EIF4G3: variants seen among roughly 807,000 people sequenced by gnomAD.
The protein encoded by EIF4G3 is eukaryotic translation initiation factor 4 gamma 3.
Under a neutral mutation model 186.4 loss-of-function variants are expected in EIF4G3, and 34 were observed. That is an observed-to-expected ratio of 0.18 (90% CI 0.14 to 0.24). The LOEUF (loss-of-function observed/expected upper bound fraction) is 0.24. EIF4G3 is among the 10% of genes least tolerant of loss of function. EIF4G3 has a pLI of 1.00. For synonymous variants in EIF4G3, 673 were observed against 679.5 expected, an observed-to-expected ratio of 0.99 and a Z score of 0.15; for missense variants, 1,536 against 1,948.5, an observed-to-expected ratio of 0.79 and a Z score of 3.99.
At chr1:21,007,535 A>AAAAAAAAAAAT (rs2085551566) in intron 4 of EIF4G3, among the ~76,000 whole-genome samples, 1 of 142,192 alleles carries the variant, frequency 7.0e-6, no homozygotes, top group Non-Finnish European at 1.6e-5. Context: ...AAAAAAAAAA[A>AAAAAAAAAAAT]AACACACTCA....
intron 12 of EIF4G3, among the ~76,000 whole-genome samples, chr1:20,959,957 A>G (rs2096534690): frequency 6.6e-6 from 1 of 152,170 alleles, no homozygotes; most frequent in Non-Finnish European, 1.5e-5. Context: ...GTGGGAATGT[A>G]TAACCTCTAT....
chr1:20,933,018 C>G (rs2095386126), intron 14 of EIF4G3, among the ~76,000 whole-genome samples: 2 of 152,108 alleles, frequency 1.3e-5, no homozygotes, highest in Non-Finnish European at 2.9e-5. Flanking sequence ...CTCCAGGCTT[C>G]TAGAACACTG....
chr1:21,088,796 C>T lies in EIF4G3; in HGVS notation c.-196+342G>A, dbSNP rs925026947. 5.3e-5 allele frequency among the ~76,000 whole-genome samples: 8 copies of T among 152,016 alleles called. No homozygotes were observed. The East Asian group carries it at 7.8e-4, about 15-fold the overall frequency. ...GGGAGAATTGCTTGAACCCAGGAGG[C>T]GGAGGTTGCAATGAGCCAAGATCAC... is the stretch of plus-strand genomic sequence containing the variant. On this transcript the variant is annotated intron_variant, in intron 3 of 36. Transcript: ENST00000602326.
At chr1:21,166,126 T>TTTTTTTTTTTTGAGACGGAG (rs1553324701) in intron 2 of EIF4G3, among the ~76,000 whole-genome samples, 1 of 149,510 alleles carries the variant, frequency 6.7e-6, no homozygotes, top group Non-Finnish European at 1.5e-5. Context: ...TTTTTTCCTT[T>TTTTTTTTTTTTGAGACGGAG]TAAAAATTCA....
At chr1:20,932,642 C>T (rs192635223) in intron 14 of EIF4G3, among the ~76,000 whole-genome samples, 1 of 152,104 alleles carries the variant, frequency 6.6e-6, no homozygotes, top group East Asian at 1.9e-4. Context: ...GATGGAAGAA[C>T]TGCCGGTTGG....
intron 7 of EIF4G3, among the ~76,000 whole-genome samples, chr1:20,991,650 T>C (rs554072620): frequency 3.3e-5 from 5 of 152,108 alleles, no homozygotes; most frequent in East Asian, 1.9e-4. Context: ...ATATAGCTAG[T>C]AGAGCTACAG....
At chr1:20,865,095 T>A in intron 21 of EIF4G3, 21 bp downstream of exon 21, 1 of 1,613,832 alleles carries the variant, frequency 6.2e-7, no homozygotes, top group Non-Finnish European at 8.5e-7. Flanking sequence ...ACAAGCACTG[T>A]CTTTCTATGA....
At position 21,176,262 on chromosome 1, in the gene EIF4G3, G is replaced by A. The variant is rs1476430290; in HGVS notation, c.-359C>T. 1 of 371,054 alleles carries A rather than the reference G, an allele frequency of 2.7e-6. No individual in the cohort carries two copies. The allele number at this position is 371,054 out of a possible 1,614,324, so 23.0% of individuals were successfully genotyped here. ...CGCCGCCGCCGCCGCCGCCGCCGCC[G>A]CCGCTGCTGCCGCCGCCGGGTGAGG... is the stretch of plus-strand genomic sequence containing the variant. On this transcript the variant is annotated 5_prime_UTR_variant, in exon 2 of 37. Transcript: ENST00000602326.
rs5772928 is a variant in EIF4G3, at chr1:20,998,212, TACACACACAC to T, written c.145-589_145-580del. On this transcript the variant is annotated intron_variant, in intron 6 of 36. Coordinates refer to ENST00000602326, the MANE Select transcript of EIF4G3 (RefSeq NM_001391906.1). ...GTTAAAGAAAAATCTTTTATGACTT[TACACACACAC>T]ACACACACACACACACACACACACA... Among the ~76,000 whole-genome samples, 322 of 148,582 alleles carry T rather than the reference TACACACACAC, an allele frequency of 2.2e-3. 4 individuals are homozygous for T. The East Asian group carries it at 0.038, about 17-fold the overall frequency.
intron 2 of EIF4G3, among the ~76,000 whole-genome samples, chr1:21,118,931 T>TAA (rs35040627): frequency 1.2e-3 from 107 of 86,130 alleles, no homozygotes; most frequent in African/African-American, 3.8e-3. Context: ...CAAGCTCTAT[T>TAA]AAAAAAAAAA....
At chr1:20,914,639 C>T (rs2093659114) in intron 14 of EIF4G3, among the ~76,000 whole-genome samples, 1 of 152,138 alleles carries the variant, frequency 6.6e-6, no homozygotes, top group Non-Finnish European at 1.5e-5. Flanking sequence ...GTGATTACAA[C>T]AGCAATAGAA....
At chr1:20,869,306 ATTTTTTTTTTTT>A (rs954573350) in intron 20 of EIF4G3, among the ~76,000 whole-genome samples, 3 of 97,398 alleles carry the variant, frequency 3.1e-5, no homozygotes, top group Admixed American at 1.1e-4. Flanking sequence ...TTACTTTAAA[ATTTTTTTTTTTT>A]TTTTTTTTTT....
At chr1:20,873,894 T>A (rs1420161762) in intron 20 of EIF4G3, among the ~76,000 whole-genome samples, 2 of 152,100 alleles carry the variant, frequency 1.3e-5, no homozygotes, top group African/African-American at 4.8e-5. Context: ...TCTGTGTCCA[T>A]GTGTTCTCAA....
intron 3 of EIF4G3, among the ~76,000 whole-genome samples, chr1:21,085,786 T>C (rs1028364866): frequency 1.3e-5 from 2 of 152,068 alleles, no homozygotes; most frequent in African/African-American, 2.4e-5. Flanking sequence ...CTCTGCCTCC[T>C]GGATTTAAGC....
At chr1:21,042,358 TTAAA>T (rs1292824828) in intron 4 of EIF4G3, among the ~76,000 whole-genome samples, 1 of 152,250 alleles carries the variant, frequency 6.6e-6, no homozygotes, top group Non-Finnish European at 1.5e-5. Context: ...TCTATTTGCT[TTAAA>T]TATAACTAAG....
intron 4 of EIF4G3, among the ~76,000 whole-genome samples, chr1:21,024,418 G>A (rs2091680045): frequency 6.6e-6 from 1 of 152,200 alleles, no homozygotes; most frequent in Admixed American, 6.5e-5. Flanking sequence ...GAATGGGCCA[G>A]GATGACAATG....
chr1:21,133,467 C>T (rs568717087), intron 2 of EIF4G3, among the ~76,000 whole-genome samples: 94 of 152,250 alleles, frequency 6.2e-4, no homozygotes, highest in African/African-American at 2.0e-3. Flanking sequence ...CCTCGTGATC[C>T]GCCCACCCCG....
At chr1:20,853,811 C>T in intron 26 of EIF4G3, 134 bp from the exon 27 acceptor site, 3 of 639,592 alleles carry the variant, frequency 4.7e-6, no homozygotes, top group Non-Finnish European at 8.4e-6. Flanking sequence ...TCTCCTGGTC[C>T]CTCTACCATA....
rs562972638 is a variant in EIF4G3, at chr1:20,908,604, G to C, written c.1664-3633C>G. Among the ~76,000 whole-genome samples the C allele has an allele frequency of 6.6e-5, 10 of 152,194 alleles. No individual in the cohort carries two copies. In the South Asian group the frequency reaches 2.1e-3, roughly 32 times the overall value. The stretch of plus-strand genomic sequence containing the variant: ...AGTAACATTTTTCTGGTATCTGTAG[G>C]ATGTAATACAAGTCATCCCCATAAA... On this transcript the variant is annotated intron_variant, in intron 14 of 36. Transcript: ENST00000602326.
Sources: allele counts gnomAD v4.1 joint callset (sites outside exome capture counted in the v4.1 genomes callset), GRCh38; gene constraint gnomAD v4.1.1; transcripts MANE v1.5; gene names NCBI Gene and HGNC (gene_info 2026-07-23, HGNC 2026-07-21).